Variants in CDH22 observed in about 807,000 individuals in gnomAD.
The protein encoded by CDH22 is cadherin 22.
CDH22 carries 30 observed loss-of-function variants against 58.4 expected under a neutral mutation model. That is an observed-to-expected ratio of 0.51 (90% CI 0.38 to 0.70). The LOEUF is 0.70. CDH22 is among the 30% of genes least tolerant of loss of function. The pLI, the probability that CDH22 is intolerant of heterozygous loss-of-function variation, is 0.00. For missense variants in CDH22, 1,014 were observed against 1,233.9 expected, an observed-to-expected ratio of 0.82 and a Z score of 2.67; for synonymous variants, 513 against 558.2, an observed-to-expected ratio of 0.92 and a Z score of 1.14.
intron 2 of CDH22, among the ~76,000 whole-genome samples, chr20:46,244,081 T>C (rs1210117517): frequency 1.3e-5 from 2 of 152,174 alleles, no homozygotes; most frequent in Non-Finnish European, 2.9e-5. Flanking sequence ...GATGAGAGCA[T>C]GTTTACATTG....
chr20:46,301,504 A>ATAT lies in CDH22; in HGVS notation c.-400+6750_-400+6751insATA, dbSNP rs112789998. On this transcript the variant is annotated intron_variant, in intron 1 of 11. Coordinates refer to ENST00000537909, the MANE Select transcript of CDH22 (RefSeq NM_021248.3). ...TTATCTGTAACTTGCCTATTAAAAA[A>ATAT]ATATATATATATATGTATATATATG... Among the ~76,000 whole-genome samples the ATAT allele has an allele frequency of 2.0e-3, 294 of 150,022 alleles. 2 individuals are homozygous for ATAT. Among genetic ancestry groups the ATAT allele is most frequent in the African/African-American group, 6.4e-3 (263 of 40,788 alleles).
At chr20:46,284,350 C>A (rs1227097564) in intron 1 of CDH22, among the ~76,000 whole-genome samples, 1 of 152,222 alleles carries the variant, frequency 6.6e-6, no homozygotes, top group Non-Finnish European at 1.5e-5. Context: ...CTGGAAGAAG[C>A]GGTTCACAAC....
chr20:46,293,270 C>G (rs529033283), intron 1 of CDH22, among the ~76,000 whole-genome samples: 2 of 152,294 alleles, frequency 1.3e-5, no homozygotes, highest in East Asian at 3.9e-4. Flanking sequence ...TGGACAGCAA[C>G]CAGACACTTT....
intron 1 of CDH22, among the ~76,000 whole-genome samples, chr20:46,252,068 AC>A (rs1228628501): frequency 6.9e-6 from 1 of 144,712 alleles, no homozygotes; most frequent in Non-Finnish European, 1.5e-5. Flanking sequence ...GAAATCCCCC[AC>A]CCTAGGTGCT....
At chr20:46,189,600 C>A (rs2085849880) in intron 8 of CDH22, among the ~76,000 whole-genome samples, 1 of 152,120 alleles carries the variant, frequency 6.6e-6, no homozygotes, top group Non-Finnish European at 1.5e-5. Context: ...CAGATGAGAC[C>A]CCCATTATAG....
At chr20:46,200,641 G>T (rs561200143) in intron 7 of CDH22, among the ~76,000 whole-genome samples, 1 of 152,176 alleles carries the variant, frequency 6.6e-6, no homozygotes, top group Non-Finnish European at 1.5e-5. Flanking sequence ...GAGACCGGGA[G>T]TGTGGGTGGC....
At chr20:46,222,569 G>T (rs550859433) in intron 4 of CDH22, among the ~76,000 whole-genome samples, 2 of 152,332 alleles carry the variant, frequency 1.3e-5, no homozygotes, top group South Asian at 4.1e-4. Flanking sequence ...TCCTGCTGGG[G>T]TGGTGGTGGG....
intron 1 of CDH22, among the ~76,000 whole-genome samples, chr20:46,258,704 G>T (rs2086417922): frequency 6.6e-6 from 1 of 152,224 alleles, no homozygotes; most frequent in Admixed American, 6.5e-5. Context: ...AGCAGCCTCG[G>T]GAAGAGTCCC....
intron 1 of CDH22, among the ~76,000 whole-genome samples, chr20:46,265,965 C>T (rs1053562663): frequency 1.3e-5 from 2 of 152,006 alleles, no homozygotes; most frequent in Non-Finnish European, 2.9e-5. Context: ...CACACACACA[C>T]ACACACATTG....
chr20:46,299,691 G>T (rs1827991746), intron 1 of CDH22, among the ~76,000 whole-genome samples: 1 of 152,228 alleles, frequency 6.6e-6, no homozygotes, highest in Admixed American at 6.5e-5. Flanking sequence ...CACTGAATAT[G>T]GGCCTAAGTG....
intron 1 of CDH22, among the ~76,000 whole-genome samples, chr20:46,272,635 G>A (rs1349783834): frequency 6.6e-6 from 1 of 152,194 alleles, no homozygotes; most frequent in Non-Finnish European, 1.5e-5. Flanking sequence ...CAGAACTAGA[G>A]GTCAGCATGA....
At chr20:46,217,241 C>T (rs1033746179) in intron 4 of CDH22, among the ~76,000 whole-genome samples, 1 of 152,126 alleles carries the variant, frequency 6.6e-6, no homozygotes, top group Admixed American at 6.5e-5. Flanking sequence ...CACATGCTCA[C>T]ACACACGGTC....
chr20:46,245,677 C>T (rs1226407805), intron 2 of CDH22, among the ~76,000 whole-genome samples: 1 of 152,124 alleles, frequency 6.6e-6, no homozygotes, highest in African/African-American at 2.4e-5. Context: ...ATAAAATATA[C>T]AACAGTCATC....
chr20:46,183,017 C>A (rs1314086856), intron 10 of CDH22, among the ~76,000 whole-genome samples: 1 of 149,998 alleles, frequency 6.7e-6, no homozygotes, highest in Non-Finnish European at 1.5e-5. Flanking sequence ...GGTGCCCCCC[C>A]CTCTCCCCCA....
chr20:46,225,928 C>G (rs2086167758), intron 4 of CDH22, among the ~76,000 whole-genome samples: 4 of 152,072 alleles, frequency 2.6e-5, no homozygotes. Flanking sequence ...GGAATCCTCT[C>G]CCTTCTCCCC....
At chr20:46,303,193 G>A (rs574851277) in intron 1 of CDH22, among the ~76,000 whole-genome samples, 57 of 152,310 alleles carry the variant, frequency 3.7e-4, no homozygotes, top group African/African-American at 1.3e-3. Context: ...CAACCTCTGT[G>A]TGTTCTCCTT....
At chr20:46,218,889 GAGC>G (rs1568662524) in intron 4 of CDH22, among the ~76,000 whole-genome samples, 1 of 152,132 alleles carries the variant, frequency 6.6e-6, no homozygotes, top group East Asian at 1.9e-4. Context: ...CCAACCTGCC[GAGC>G]ACCAGGTGGT....
intron 7 of CDH22, among the ~76,000 whole-genome samples, chr20:46,200,344 G>A (rs377102797): frequency 2.7e-5 from 4 of 150,600 alleles, no homozygotes; most frequent in East Asian, 4.0e-4. Context: ...GTGCCATCAC[G>A]GCTCACTGCA....
At chr20:46,195,645 G>A (rs528303550) in intron 8 of CDH22, among the ~76,000 whole-genome samples, 192 of 136,026 alleles carry the variant, frequency 1.4e-3, no homozygotes, top group African/African-American at 5.3e-3. Flanking sequence ...TTTGAAGACT[G>A]TCCCTTTACA....
Sources: allele counts gnomAD v4.1 joint callset (sites outside exome capture counted in the v4.1 genomes callset), GRCh38; gene constraint gnomAD v4.1.1; transcripts MANE v1.5; gene names NCBI Gene and HGNC (gene_info 2026-07-23, HGNC 2026-07-21).